KALRN: variants seen among roughly 807,000 people sequenced by gnomAD.
KALRN encodes kalirin RhoGEF kinase, also known as kalirin.
KALRN carries 70 observed loss-of-function variants against 353.7 expected under a neutral mutation model. The observed-to-expected ratio is 0.20, with a 90% CI of 0.16 to 0.24. KALRN has a LOEUF of 0.24. Among genes scored for constraint, KALRN ranks in the 10% least tolerant of loss-of-function variants. The pLI, the probability that KALRN is intolerant of heterozygous loss-of-function variation, is 1.00. For missense variants in KALRN, 2,791 were observed against 3,756.7 expected, an observed-to-expected ratio of 0.74 and a Z score of 6.72; for synonymous variants, 1,391 against 1,434.8, an observed-to-expected ratio of 0.97 and a Z score of 0.69.
At chr3:124,151,160 A>G (rs995713950) in intron 1 of KALRN, among the ~76,000 whole-genome samples, 1 of 152,214 alleles carries the variant, frequency 6.6e-6, no homozygotes, top group East Asian at 1.9e-4. Flanking sequence ...GTACATATCT[A>G]TTGACGAATA....
At chr3:124,655,795 AT>A in intron 39 of KALRN, 128 bp downstream of exon 39, 1 of 682,772 alleles carries the variant, frequency 1.5e-6, no homozygotes, top group Non-Finnish European at 2.7e-6. Context: ...AGAAATGAAA[AT>A]AAAAATGGTA....
chr3:124,283,539 T>C (rs2075550730), intron 5 of KALRN, among the ~76,000 whole-genome samples: 1 of 152,176 alleles, frequency 6.6e-6, no homozygotes, highest in Non-Finnish European at 1.5e-5. Flanking sequence ...TCTCATCTGC[T>C]TGACTTGCTG....
chr3:124,136,540 C>T (rs760334222), intron 1 of KALRN, among the ~76,000 whole-genome samples: 3 of 152,126 alleles, frequency 2.0e-5, no homozygotes, highest in Non-Finnish European at 4.4e-5. Flanking sequence ...TACCAGGTAG[C>T]AAATAGGCTG....
chr3:124,455,026 T>C, intron 21 of KALRN, 151 bp from the exon 22 acceptor site: 1 of 706,834 alleles, frequency 1.4e-6, no homozygotes, highest in Non-Finnish European at 2.4e-6. Flanking sequence ...TTGCTCGAGA[T>C]CTCCCAGTTA....
chr3:124,706,910 A>C (rs1406418574), intron 57 of KALRN, among the ~76,000 whole-genome samples: 1 of 151,820 alleles, frequency 6.6e-6, no homozygotes, highest in African/African-American at 2.4e-5. Flanking sequence ...AAATGAGCCA[A>C]CTCCCAATGC....
chr3:124,469,244 G>A (rs908661793), intron 25 of KALRN, among the ~76,000 whole-genome samples: 1 of 152,204 alleles, frequency 6.6e-6, no homozygotes, highest in Admixed American at 6.5e-5. Flanking sequence ...GTGGTTGGAG[G>A]CTGAGAGTGT....
At chr3:124,454,317 G>A (rs1427280860) in intron 21 of KALRN, among the ~76,000 whole-genome samples, 1 of 152,216 alleles carries the variant, frequency 6.6e-6, no homozygotes, top group East Asian at 1.9e-4. Flanking sequence ...CTCACTGGTA[G>A]TATGAAGTTG....
At chr3:124,237,495 C>T (rs76213784) in intron 3 of KALRN, among the ~76,000 whole-genome samples, 17 of 151,666 alleles carry the variant, frequency 1.1e-4, no homozygotes, top group Non-Finnish European at 1.5e-4. Context: ...GCCAAGTAGC[C>T]GGGATTACAG....
In KALRN at chr3:124,261,401, G is replaced by A. The variant is rs533527207; in HGVS notation, c.264-3097G>A. 1.6e-3 allele frequency among the ~76,000 whole-genome samples: 243 copies of A among 152,262 alleles called. 1 individual carries two copies. The highest frequency in any genetic ancestry group is 2.9e-3 in the Non-Finnish European group (194 of 68,028). ...AGAATGAGCACACAATGAAATAGTC[G>A]TTTCCCCTTTCCCAGCTATGCCCCT... On this transcript the variant is annotated intron_variant, in intron 3 of 59. Transcript: ENST00000682506.
chr3:124,391,744 G>C lies in KALRN; in HGVS notation c.1963-3391G>C, dbSNP rs193243313. Among the ~76,000 whole-genome samples the C allele has an allele frequency of 2.5e-3, 379 of 152,274 alleles. 3 individuals carry two copies. The highest frequency in any genetic ancestry group is 8.7e-3 in the African/African-American group (362 of 41,532). On this transcript the variant is annotated intron_variant, in intron 11 of 59. Transcript: ENST00000682506. ...CAGAGGTGCTTATTCAAAATTATGA[G>C]CTTGCAATTTAAGTTTGCTGCCACC...
chr3:124,519,492 T>G, intron 33 of KALRN: 1 of 985,386 alleles, frequency 1.0e-6, no homozygotes, highest in Non-Finnish European at 1.2e-6. Context: ...CTGCTTTATT[T>G]TCAATAGATT....
At chr3:124,134,777 G>A (rs773571615) in intron 1 of KALRN, among the ~76,000 whole-genome samples, 44 of 152,162 alleles carry the variant, frequency 2.9e-4, no homozygotes, top group Non-Finnish European at 5.6e-4. Flanking sequence ...ATGAAAAAAT[G>A]CTCAACATCA....
intron 27 of KALRN, 62 bp from the exon 28 acceptor site, chr3:124,482,744 TCA>T (rs985249548): frequency 1.8e-6 from 2 of 1,084,152 alleles, no homozygotes; most frequent in African/African-American, 3.1e-5. Context: ...CTTTCTCCTC[TCA>T]GAGTTCACAC....
intron 1 of KALRN, among the ~76,000 whole-genome samples, chr3:124,148,404 C>T (rs2067650143): frequency 6.6e-6 from 1 of 152,140 alleles, no homozygotes; most frequent in Admixed American, 6.5e-5. Flanking sequence ...ATTTTGAAAA[C>T]ACTGTATTTG....
At chr3:124,645,898 A>G (rs1465486404) in intron 37 of KALRN, among the ~76,000 whole-genome samples, 1 of 137,226 alleles carries the variant, frequency 7.3e-6, no homozygotes, top group Non-Finnish European at 1.6e-5. Context: ...CAAAATGTCT[A>G]CATAAGTCTA....
intron 25 of KALRN, among the ~76,000 whole-genome samples, chr3:124,469,199 C>T (rs969717831): frequency 6.6e-6 from 1 of 152,204 alleles, no homozygotes; most frequent in Non-Finnish European, 1.5e-5. Flanking sequence ...ACATATTCAA[C>T]AGGTAACCAT....
intron 33 of KALRN, among the ~76,000 whole-genome samples, chr3:124,541,605 G>A (rs1029165517): frequency 2.6e-5 from 4 of 151,334 alleles, no homozygotes; most frequent in African/African-American, 4.9e-5. Flanking sequence ...AACCTGGATC[G>A]GCCGGGCACA....
intron 1 of KALRN, among the ~76,000 whole-genome samples, chr3:124,226,808 A>G (rs73186284): frequency 0.05 from 7,677 of 152,132 alleles, 303 homozygotes; most frequent in East Asian, 0.18. Context: ...TCCTCTGTCA[A>G]TTGTCAAATT....
intron 33 of KALRN, among the ~76,000 whole-genome samples, chr3:124,534,870 A>C (rs2068379519): frequency 6.6e-6 from 1 of 152,198 alleles, no homozygotes; most frequent in Admixed American, 6.5e-5. Context: ...GATCCCTGAG[A>C]GACAATAAAC....
Sources: allele counts gnomAD v4.1 joint callset (sites outside exome capture counted in the v4.1 genomes callset), GRCh38; gene constraint gnomAD v4.1.1; transcripts MANE v1.5; gene names NCBI Gene and HGNC (gene_info 2026-07-23, HGNC 2026-07-21).